Variants in COL13A1 observed in about 807,000 individuals in gnomAD.
COL13A1 encodes collagen type XIII alpha 1 chain.
Under a neutral mutation model 130.9 loss-of-function variants are expected in COL13A1, and 89 were observed. The observed-to-expected ratio is 0.68, with a 90% CI of 0.57 to 0.81. The LOEUF (loss-of-function observed/expected upper bound fraction) is 0.81. COL13A1 is among the 30% of genes least tolerant of loss of function. COL13A1 has a pLI of 0.00. For synonymous variants in COL13A1, 402 were observed against 341.6 expected (o/e 1.18, Z -1.95); for missense variants, 879 against 934.6 (o/e 0.94, Z 0.78).
intron 38 of COL13A1, among the ~76,000 whole-genome samples, chr10:69,949,965 CGTGT>C (rs146294380): frequency 7.9e-4 from 69 of 87,686 alleles, no homozygotes; most frequent in African/African-American, 2.9e-3. Flanking sequence ...TTTGTGTGTG[CGTGT>C]GTGTGTGTGT....
chr10:69,958,040 C>T (rs1048837516), intron 40 of COL13A1, among the ~76,000 whole-genome samples: 2 of 152,144 alleles, frequency 1.3e-5, no homozygotes, highest in African/African-American at 4.8e-5. Flanking sequence ...GTGGTGAAAC[C>T]ACCAAGACCC....
At chr10:69,930,601 A>G (rs923991504) in intron 30 of COL13A1, 49 bp downstream of exon 30, 4 of 1,580,264 alleles carry the variant, frequency 2.5e-6, no homozygotes, top group Admixed American at 1.8e-5. Context: ...ACTCCCAAGC[A>G]TGACGCCAGC....
intron 13 of COL13A1, chr10:69,897,592 G>A: frequency 6.4e-7 from 1 of 1,570,040 alleles, no homozygotes; most frequent in Admixed American, 1.7e-5. Context: ...TGAACATACA[G>A]CCCAACATTG....
intron 2 of COL13A1, among the ~76,000 whole-genome samples, chr10:69,848,100 G>A (rs985854864): frequency 2.6e-5 from 4 of 152,214 alleles, no homozygotes; most frequent in South Asian, 4.1e-4. Context: ...TCTGAGTCAC[G>A]GAGGTGAAGA....
At chr10:69,921,675 A>C (rs1200930730) in intron 21 of COL13A1, among the ~76,000 whole-genome samples, 1 of 152,220 alleles carries the variant, frequency 6.6e-6, no homozygotes, top group East Asian at 1.9e-4. Context: ...GCAGTCATGC[A>C]GGTGTCACCA....
intron 24 of COL13A1, among the ~76,000 whole-genome samples, chr10:69,924,745 G>A (rs1005865753): frequency 1.3e-5 from 2 of 152,114 alleles, no homozygotes; most frequent in Non-Finnish European, 2.9e-5. Context: ...CAGAAAGAAC[G>A]CCACCGAGTC....
intron 15 of COL13A1, among the ~76,000 whole-genome samples, chr10:69,903,365 A>AGACTGCGGG (rs1554948746): frequency 6.6e-6 from 1 of 152,240 alleles, no homozygotes; most frequent in East Asian, 1.9e-4. Context: ...GGATGCATCA[A>AGACTGCGGG]GCCTGCGGGG....
chr10:69,838,008 C>T (rs1406215968), intron 2 of COL13A1, among the ~76,000 whole-genome samples: 1 of 152,224 alleles, frequency 6.6e-6, no homozygotes. Context: ...TGTGGCCATC[C>T]TGGTCTTGTC....
At chr10:69,830,405 A>G (rs969851518) in intron 2 of COL13A1, among the ~76,000 whole-genome samples, 2 of 152,260 alleles carry the variant, frequency 1.3e-5, no homozygotes, top group African/African-American at 4.8e-5. Flanking sequence ...ATGCACACAC[A>G]GTAAACAGGA....
At chr10:69,880,172 C>G (rs1284407414) in intron 6 of COL13A1, among the ~76,000 whole-genome samples, 3 of 152,104 alleles carry the variant, frequency 2.0e-5, no homozygotes, top group Non-Finnish European at 4.4e-5. Context: ...GCTTCCCCGG[C>G]CTGGGGTCCC....
In COL13A1 at chr10:69,802,210, G is replaced by A; in HGVS notation, c.-214G>A. 2 of 540,222 alleles carry A rather than the reference G, an allele frequency of 3.7e-6. No individual in the cohort carries two copies. The highest frequency in any genetic ancestry group is 5.0e-4 in the Middle Eastern group (1 of 2,018). The allele number at this position is 540,222 out of a possible 1,614,324, so 33.5% of individuals were successfully genotyped here. On this transcript the variant is annotated 5_prime_UTR_variant, in exon 1 of 41. Transcript: ENST00000645393. ...TTCGAAATAACTTTTTTCTCACCTA[G>A]GTGTACCCCAATTACCGCTGGTTGT...
At chr10:69,909,085 T>A (rs931498138) in intron 17 of COL13A1, among the ~76,000 whole-genome samples, 1 of 152,164 alleles carries the variant, frequency 6.6e-6, no homozygotes, top group Non-Finnish European at 1.5e-5. Context: ...CATAGCTTCA[T>A]GGGGACAGAG....
At chr10:69,899,919 G>A (rs1442091142) in intron 14 of COL13A1, among the ~76,000 whole-genome samples, 1 of 152,134 alleles carries the variant, frequency 6.6e-6, no homozygotes, top group African/African-American at 2.4e-5. Flanking sequence ...GGAGCCCAAG[G>A]GCCTAGATGT....
chr10:69,851,203 A>G (rs942309377), intron 2 of COL13A1, among the ~76,000 whole-genome samples: 2 of 152,244 alleles, frequency 1.3e-5, no homozygotes, highest in African/African-American at 4.8e-5. Flanking sequence ...GTTGGGCTCA[A>G]TGAATACATC....
intron 2 of COL13A1, among the ~76,000 whole-genome samples, chr10:69,866,259 C>A (rs1011232642): frequency 5.3e-5 from 8 of 152,200 alleles, no homozygotes; most frequent in African/African-American, 1.9e-4. Context: ...CAGTCTGTGT[C>A]ACTGGGGACA....
intron 2 of COL13A1, among the ~76,000 whole-genome samples, chr10:69,857,405 G>A (rs1856739291): frequency 6.6e-6 from 1 of 152,180 alleles, no homozygotes; most frequent in Non-Finnish European, 1.5e-5. Flanking sequence ...GCGTGATTAA[G>A]GGCCTGGTAC....
At chr10:69,941,867 G>A (rs140558147) in intron 35 of COL13A1, among the ~76,000 whole-genome samples, 89 of 152,250 alleles carry the variant, frequency 5.8e-4, no homozygotes, top group Admixed American at 4.1e-3. Flanking sequence ...CTCAAGTCTC[G>A]AGTCCCTGCT....
intron 2 of COL13A1, among the ~76,000 whole-genome samples, chr10:69,831,063 T>C (rs1448578631): frequency 1.3e-5 from 2 of 152,242 alleles, no homozygotes; most frequent in African/African-American, 2.4e-5. Context: ...CCTCTCTGAA[T>C]GTCTGAAATA....
chr10:69,830,304 G>T (rs1381308424), intron 2 of COL13A1, among the ~76,000 whole-genome samples: 1 of 152,150 alleles, frequency 6.6e-6, no homozygotes, highest in Non-Finnish European at 1.5e-5. Context: ...TAAGAAAAAA[G>T]GAAAAGAAAA....
Sources: allele counts gnomAD v4.1 joint callset (sites outside exome capture counted in the v4.1 genomes callset), GRCh38; gene constraint gnomAD v4.1.1; transcripts MANE v1.5; gene names NCBI Gene and HGNC (gene_info 2026-07-23, HGNC 2026-07-21).